Variants in JCHAIN observed in about 807,000 individuals in gnomAD.
JCHAIN encodes joining chain of multimeric IgA and IgM, also known as immunoglobulin J chain.
Under a neutral mutation model 11.1 loss-of-function variants are expected in JCHAIN, and 5 were observed. The observed-to-expected ratio is 0.45, with a 90% CI of 0.24 to 0.95. The LOEUF (loss-of-function observed/expected upper bound fraction) is 0.95, where lower values mean the gene tolerates loss of function less well. Ranked by LOEUF, JCHAIN falls within the 40% of genes least tolerant of loss-of-function variation. JCHAIN has a pLI of 0.21. For missense variants in JCHAIN, 165 were observed against 192.7 expected (o/e 0.86, Z 0.85); for synonymous variants, 51 against 67.8 (o/e 0.75, Z 1.22).
intron 2 of JCHAIN, 110 bp from the exon 3 acceptor site, chr4:70,657,401 G>T: frequency 1.6e-6 from 1 of 609,740 alleles, no homozygotes; most frequent in Non-Finnish European, 2.9e-6. Flanking sequence ...ATTGTATTTA[G>T]TACTCTATAA....
chr4:70,662,057 G>T, intron 2 of JCHAIN, 35 bp downstream of exon 2: 1 of 1,606,574 alleles, frequency 6.2e-7, no homozygotes, highest in South Asian at 1.1e-5. Context: ...TCTCTGCTTA[G>T]AACAGGAAAA....
At chr4:70,659,800 G>C (rs1739021712) in intron 2 of JCHAIN, among the ~76,000 whole-genome samples, 1 of 152,032 alleles carries the variant, frequency 6.6e-6, no homozygotes, top group Non-Finnish European at 1.5e-5. Context: ...CCAGGAGGCA[G>C]AGGTTGCAGT....
At chr4:70,660,061 G>T (rs1260847223) in intron 2 of JCHAIN, among the ~76,000 whole-genome samples, 1 of 152,054 alleles carries the variant, frequency 6.6e-6, no homozygotes, top group Non-Finnish European at 1.5e-5. Flanking sequence ...GATCATGGAG[G>T]AGATTTTAAA....
chr4:70,656,567 A>G (rs751854443), intron 3 of JCHAIN, 28 bp from the exon 4 acceptor site: 1 of 1,511,616 alleles, frequency 6.6e-7, no homozygotes, highest in Non-Finnish European at 9.2e-7. Flanking sequence ...GTATTAGACA[A>G]TCCCCTCAAA....
At position 70,661,957 on chromosome 4, in the gene JCHAIN, C is replaced by T. The variant is rs556759485; in HGVS notation, c.188+135G>A. 7.8e-6 allele frequency: 6 copies of T among 772,668 alleles called. No individual in the cohort carries two copies. The South Asian group carries it at 1.2e-4, about 15-fold the overall frequency. The allele number at this position is 772,668 out of a possible 1,614,324, so 47.9% of individuals were successfully genotyped here. A position where few individuals can be genotyped will look rare whatever the true frequency, so the allele number is the denominator to read the frequency against. On this transcript the variant is annotated intron_variant, in intron 2 of 3. Coordinates refer to ENST00000254801, the MANE Select transcript of JCHAIN (RefSeq NM_144646.4). ...TTGCCTCAAGCTCATTCATAAGACT[C>T]AATTCTTTACTCATGTAAAGTGCTA...
At chr4:70,663,942 A>G (rs1206362047) in intron 1 of JCHAIN, among the ~76,000 whole-genome samples, 1 of 150,834 alleles carries the variant, frequency 6.6e-6, no homozygotes, top group Non-Finnish European at 1.5e-5. Context: ...AATAACAATG[A>G]TGTTGGCCGG....
At chr4:70,662,845 G>T (rs1461757673) in intron 1 of JCHAIN, among the ~76,000 whole-genome samples, 2 of 151,866 alleles carry the variant, frequency 1.3e-5, no homozygotes, top group Admixed American at 6.6e-5. Context: ...TGTAGTCCCA[G>T]CTACTCAAGA....
chr4:70,661,608 A>C (rs1345828790), intron 2 of JCHAIN, among the ~76,000 whole-genome samples: 1 of 152,098 alleles, frequency 6.6e-6, no homozygotes, highest in Admixed American at 6.5e-5. Flanking sequence ...TGGGCAACAT[A>C]GTGAGACCCT....
intron 1 of JCHAIN, 133 bp downstream of exon 1, chr4:70,666,294 G>C (rs1739152010): frequency 4.8e-6 from 3 of 620,096 alleles, no homozygotes; most frequent in Admixed American, 6.1e-5. Context: ...GCCATAGAAA[G>C]ATGAAAGCAT....
chr4:70,658,523 C>G (rs1738997819), intron 2 of JCHAIN, among the ~76,000 whole-genome samples: 1 of 152,178 alleles, frequency 6.6e-6, no homozygotes, highest in African/African-American at 2.4e-5. Flanking sequence ...TTCTCATCTC[C>G]CATCTTAACA....
intron 3 of JCHAIN, among the ~76,000 whole-genome samples, 189 bp downstream of exon 3, chr4:70,657,020 ATC>A (rs1738962605): frequency 6.6e-6 from 1 of 152,278 alleles, no homozygotes; most frequent in African/African-American, 2.4e-5. Flanking sequence ...GCTAAATTTT[ATC>A]TGTGACAAAG....
chr4:70,661,712 G>A lies in JCHAIN; in HGVS notation c.188+380C>T, dbSNP rs563031788. On this transcript the variant is annotated intron_variant, in intron 2 of 3. Transcript: ENST00000254801. ...GAGGATCACTTGAGCCTGGGAGTTC[G>A]AGGCTGCAGTAAGCAGTAATCTTGC... Among the ~76,000 whole-genome samples, 12 of 152,236 alleles carry A rather than the reference G, an allele frequency of 7.9e-5. No homozygotes were observed. In the South Asian group the frequency reaches 8.3e-4, roughly 11 times the overall value.
intron 1 of JCHAIN, among the ~76,000 whole-genome samples, chr4:70,662,909 A>G (rs1394660806): frequency 6.6e-6 from 1 of 152,040 alleles, no homozygotes; most frequent in East Asian, 1.9e-4. Flanking sequence ...CAGTGAGCCA[A>G]GATCGTGCCA....
In JCHAIN at chr4:70,656,259, ATGCT is replaced by A; in HGVS notation, c.*66_*69del. 1 of 1,137,768 alleles carries A rather than the reference ATGCT, an allele frequency of 8.8e-7. No individual in the cohort carries two copies. The highest frequency in any genetic ancestry group is 1.3e-6 in the Non-Finnish European group (1 of 772,568). 70.5% of individuals were successfully genotyped at this position (1,137,768 alleles called of 1,614,324 possible). On this transcript the variant is annotated 3_prime_UTR_variant, in exon 4 of 4. Coordinates refer to ENST00000254801, the MANE Select transcript of JCHAIN (RefSeq NM_144646.4). ...GGTTTCAAATTCATTGGTAATAAAT[ATGCT>A]AACTTTCTGAATCAAAATGGAGAGC...
Position 70,660,378 on chromosome 4 carries a change from ATT to A in JCHAIN, c.188+1712_188+1713del, listed in dbSNP as rs11290121. ...AATAGAGACACTACAGCAGTGCTGA[ATT>A]TTTTTTTTTTTTTTTTTTTGAGAAA... On this transcript the variant is annotated intron_variant, in intron 2 of 3. Coordinates refer to ENST00000254801, the MANE Select transcript of JCHAIN (RefSeq NM_144646.4). Among the ~76,000 whole-genome samples the A allele has an allele frequency of 4.6e-3, 621 of 134,160 alleles. 4 individuals are homozygous for A. The highest frequency in any genetic ancestry group is 0.016 in the African/African-American group (574 of 35,402). 88.0% of individuals were successfully genotyped at this position (134,160 alleles called of 152,430 possible). A position where few individuals can be genotyped will look rare whatever the true frequency, so the allele number is the denominator to read the frequency against.
At chr4:70,663,745 G>A (rs928062781) in intron 1 of JCHAIN, among the ~76,000 whole-genome samples, 67 of 150,660 alleles carry the variant, frequency 4.4e-4, no homozygotes, top group African/African-American at 1.6e-3. Context: ...ATTTTTAGTA[G>A]AGACCGAGTT....
At chr4:70,665,586 A>G (rs1739135646) in intron 1 of JCHAIN, among the ~76,000 whole-genome samples, 1 of 152,058 alleles carries the variant, frequency 6.6e-6, no homozygotes, top group Admixed American at 6.6e-5. Context: ...TCAACTTTAT[A>G]GGGTTTATAG....
At chr4:70,660,686 A>T (rs1434539979) in intron 2 of JCHAIN, among the ~76,000 whole-genome samples, 1 of 152,004 alleles carries the variant, frequency 6.6e-6, no homozygotes, top group Non-Finnish European at 1.5e-5. Context: ...GCCCAGCCCC[A>T]GTAGTGCTGA....
intron 3 of JCHAIN, among the ~76,000 whole-genome samples, chr4:70,656,978 G>A (rs1738961901): frequency 6.6e-6 from 1 of 152,066 alleles, no homozygotes; most frequent in African/African-American, 2.4e-5. Flanking sequence ...TTCTATGAAT[G>A]CCAATGATTT....
Sources: allele counts gnomAD v4.1 joint callset (sites outside exome capture counted in the v4.1 genomes callset), GRCh38; gene constraint gnomAD v4.1.1; transcripts MANE v1.5; gene names NCBI Gene and HGNC (gene_info 2026-07-23, HGNC 2026-07-21).